Variants in BMERB1 observed in about 807,000 individuals in gnomAD.
BMERB1 encodes bMERB domain containing 1, also known as bMERB domain-containing protein 1.
In BMERB1, 12 loss-of-function variants were observed where a neutral mutation model predicts 23.6. That is an observed-to-expected ratio of 0.51 (90% confidence interval 0.33 to 0.82). BMERB1 has a LOEUF of 0.82. BMERB1 is among the 40% of genes least tolerant of loss of function. The pLI is 0.03. For synonymous variants in BMERB1, 122 were observed against 96.6 expected, an observed-to-expected ratio of 1.26 and a Z score of -1.54; for missense variants, 247 against 255.4, an observed-to-expected ratio of 0.97 and a Z score of 0.22.
chr16:15,581,349 A>T lies in BMERB1; in HGVS notation c.419+18A>T. ...CGGTTAAGGTGAGTGCACTGCGGGT[A>T]CCCGATCACTGGGCTGCAGGACAGC... On this transcript the variant is annotated intron_variant, in intron 4 of 5. Coordinates refer to ENST00000300006, the MANE Select transcript of BMERB1 (RefSeq NM_033201.3). The T allele has an allele frequency of 6.3e-7, 1 of 1,598,652 alleles. No homozygotes were observed. The highest frequency in any genetic ancestry group is 8.6e-7 in the Non-Finnish European group (1 of 1,168,048).
chr16:15,544,252 C>T (rs1157768371), intron 2 of BMERB1, among the ~76,000 whole-genome samples: 1 of 152,142 alleles, frequency 6.6e-6, no homozygotes, highest in Non-Finnish European at 1.5e-5. Context: ...TTTACTGGTT[C>T]CCTCATTAAT....
intron 1 of BMERB1, among the ~76,000 whole-genome samples, chr16:15,482,116 C>T (rs945339112): frequency 1.1e-4 from 16 of 152,144 alleles, no homozygotes; most frequent in African/African-American, 3.9e-4. Context: ...ATAGGGTCCA[C>T]TGCCATTGAT....
chr16:15,533,526 C>T (rs936756867), intron 2 of BMERB1, among the ~76,000 whole-genome samples: 5 of 152,026 alleles, frequency 3.3e-5, no homozygotes, highest in African/African-American at 9.7e-5. Flanking sequence ...TTCTGAGTAG[C>T]TGGGACCAAG....
At chr16:15,440,856 TAAGC>T (rs1275929476) in intron 1 of BMERB1, among the ~76,000 whole-genome samples, 2 of 152,146 alleles carry the variant, frequency 1.3e-5, no homozygotes, top group Non-Finnish European at 2.9e-5. Context: ...AAATATTACA[TAAGC>T]AAACAAGTAA....
At chr16:15,469,817 A>T (rs2051214020) in intron 1 of BMERB1, among the ~76,000 whole-genome samples, 1 of 152,192 alleles carries the variant, frequency 6.6e-6, no homozygotes, top group African/African-American at 2.4e-5. Flanking sequence ...GATGCAGTTC[A>T]TATTTGTCTC....
At position 15,467,411 on chromosome 16, in the gene BMERB1, G is replaced by T. The variant is rs147663779; in HGVS notation, c.106+32652G>T. ...GATAGGTGTGCAGTGACATCTTGTG[G>T]TTTTAATTTGCATTTTCTTTATATC... is the stretch of plus-strand genomic sequence containing the variant. On this transcript the variant is annotated intron_variant, in intron 1 of 5. Transcript: ENST00000300006. Among the ~76,000 whole-genome samples the T allele has an allele frequency of 2.4e-3, 371 of 152,160 alleles. 3 individuals carry two copies. Among genetic ancestry groups the T allele is most frequent in the African/African-American group, 8.0e-3 (334 of 41,510 alleles).
At chr16:15,476,723 G>A (rs2051277872) in intron 1 of BMERB1, among the ~76,000 whole-genome samples, 1 of 152,212 alleles carries the variant, frequency 6.6e-6, no homozygotes, top group Non-Finnish European at 1.5e-5. Context: ...GGGGAGGGGA[G>A]AGAGACGGGA....
At chr16:15,466,614 C>G (rs1396623265) in intron 1 of BMERB1, among the ~76,000 whole-genome samples, 1 of 151,954 alleles carries the variant, frequency 6.6e-6, no homozygotes, top group Non-Finnish European at 1.5e-5. Context: ...CCCATTTTAC[C>G]CCAATGGTGA....
chr16:15,542,064 CTT>C (rs1462459265), intron 2 of BMERB1, among the ~76,000 whole-genome samples: 10 of 127,828 alleles, frequency 7.8e-5, no homozygotes, highest in Admixed American at 1.6e-4. Context: ...GACCACCTGT[CTT>C]TTTTTTTTTT....
chr16:15,527,744 T>C (rs944320242), intron 2 of BMERB1, among the ~76,000 whole-genome samples: 5 of 152,136 alleles, frequency 3.3e-5, no homozygotes, highest in Admixed American at 3.3e-4. Flanking sequence ...GTCTCAAAGA[T>C]ACCTGTAACT....
In BMERB1 at chr16:15,483,001, C is replaced by T. The variant is rs77336087; in HGVS notation, c.107-32304C>T. ...AAAAAATCACCCACAATTCTACCCG[C>T]CAAAGTCAACCAACATCCTGATGCG... On this transcript the variant is annotated intron_variant, in intron 1 of 5. Coordinates refer to ENST00000300006, the MANE Select transcript of BMERB1 (RefSeq NM_033201.3). Among the ~76,000 whole-genome samples the T allele has an allele frequency of 7.2e-3, 1,097 of 152,252 alleles. 4 individuals are homozygous for T. The highest frequency in any genetic ancestry group is 0.013 in the Non-Finnish European group (856 of 68,012).
chr16:15,460,372 A>G (rs1389662381), intron 1 of BMERB1, among the ~76,000 whole-genome samples: 14 of 152,168 alleles, frequency 9.2e-5, no homozygotes, highest in Non-Finnish European at 2.9e-5. Flanking sequence ...TTCATGGGAG[A>G]GAGTATCAGG....
At chr16:15,586,460 G>C (rs8061604) in intron 5 of BMERB1, among the ~76,000 whole-genome samples, 1,684 of 152,322 alleles carry the variant, frequency 0.011, 16 homozygotes, top group Non-Finnish European at 0.017. Context: ...GATAACAGCT[G>C]ACTAGGAGAA....
At chr16:15,502,464 C>A in intron 1 of BMERB1, 2 of 1,083,110 alleles carry the variant, frequency 1.8e-6, no homozygotes, top group East Asian at 2.6e-5. Context: ...GGGTTAAAAG[C>A]AGTGACTTCA....
chr16:15,513,221 GTTC>G (rs2051694887), intron 1 of BMERB1, among the ~76,000 whole-genome samples: 2 of 152,102 alleles, frequency 1.3e-5, no homozygotes, highest in South Asian at 4.1e-4. Context: ...CTTTGAGAAC[GTTC>G]TTCACTGGAA....
chr16:15,473,107 G>GC (rs2051243962), intron 1 of BMERB1, among the ~76,000 whole-genome samples: 1 of 151,954 alleles, frequency 6.6e-6, no homozygotes, highest in Non-Finnish European at 1.5e-5. Context: ...TCATCCACCT[G>GC]CCTCAGCCTC....
chr16:15,517,490 A>G (rs2051776755), intron 2 of BMERB1, among the ~76,000 whole-genome samples: 1 of 152,168 alleles, frequency 6.6e-6, no homozygotes, highest in African/African-American at 2.4e-5. Flanking sequence ...CAGTCTGGGC[A>G]ACAGAGAGAA....
At chr16:15,559,331 T>C (rs1185647477) in intron 2 of BMERB1, among the ~76,000 whole-genome samples, 1 of 152,102 alleles carries the variant, frequency 6.6e-6, no homozygotes, top group Non-Finnish European at 1.5e-5. Flanking sequence ...CCTGGACAAA[T>C]CAGAGCTCTG....
intron 3 of BMERB1, among the ~76,000 whole-genome samples, chr16:15,571,500 A>G (rs2030725860): frequency 6.6e-6 from 1 of 151,778 alleles, no homozygotes; most frequent in South Asian, 2.1e-4. Flanking sequence ...GCCTGTAGGC[A>G]CCTGCCACCA....
Sources: allele counts gnomAD v4.1 joint callset (sites outside exome capture counted in the v4.1 genomes callset), GRCh38; gene constraint gnomAD v4.1.1; transcripts MANE v1.5; gene names NCBI Gene and HGNC (gene_info 2026-07-23, HGNC 2026-07-21).